The following RALGPS1 variants were observed in gnomAD, a reference collection of about 807,000 sequenced individuals.
RALGPS1 encodes ras-specific guanine nucleotide-releasing factor RalGPS1.
Under a neutral mutation model 78.8 loss-of-function variants are expected in RALGPS1, and 19 were observed. The observed-to-expected ratio is 0.24, with a 90% CI of 0.17 to 0.35. The LOEUF is 0.35. Ranked by LOEUF, RALGPS1 falls within the 10% of genes least tolerant of loss-of-function variation. The probability of loss-of-function intolerance (pLI) is 1.00; values close to 1 mark genes in which losing one functional copy is unlikely to be tolerated. For missense variants in RALGPS1, 454 were observed against 688.3 expected (o/e 0.66, Z 3.81); for synonymous variants, 228 against 256.3 (o/e 0.89, Z 1.06).
intron 11 of RALGPS1, among the ~76,000 whole-genome samples, chr9:127,191,955 T>C (rs970524124): frequency 7.2e-5 from 11 of 152,118 alleles, no homozygotes; most frequent in Admixed American, 1.3e-4. Flanking sequence ...CCTCGGCCTC[T>C]CAAAGTGCTG....
intron 18 of RALGPS1, chr9:127,217,916 GTTC>G (rs1191182785): frequency 2.0e-5 from 3 of 152,046 alleles, no homozygotes; most frequent in Non-Finnish European, 4.4e-5. Context: ...GTTTTTATTA[GTTC>G]TTCTGTTGGA....
At chr9:127,118,843 T>G (rs1032901439) in intron 8 of RALGPS1, among the ~76,000 whole-genome samples, 1 of 152,218 alleles carries the variant, frequency 6.6e-6, no homozygotes, top group Middle Eastern at 3.2e-3. Flanking sequence ...TGTACCTGCT[T>G]TGGCAGGGCT....
At chr9:127,202,350 T>C (rs143739034) in intron 14 of RALGPS1, among the ~76,000 whole-genome samples, 51 of 152,236 alleles carry the variant, frequency 3.4e-4, no homozygotes, top group African/African-American at 9.6e-4. Context: ...CATAGATGTC[T>C]CCTCTTTGGG....
chr9:127,121,156 G>A (rs1273504306), intron 8 of RALGPS1, among the ~76,000 whole-genome samples: 1 of 152,246 alleles, frequency 6.6e-6, no homozygotes, highest in African/African-American at 2.4e-5. Flanking sequence ...GGGTGGTCAT[G>A]AGGATTCTAC....
chr9:127,098,909 G>A (rs2053441209), intron 8 of RALGPS1, among the ~76,000 whole-genome samples: 1 of 152,252 alleles, frequency 6.6e-6, no homozygotes, highest in Non-Finnish European at 1.5e-5. Flanking sequence ...CCAGGCCCTA[G>A]TGGAGAAATG....
intron 8 of RALGPS1, chr9:127,089,049 A>G (rs1476429623): frequency 1.2e-6 from 2 of 1,614,084 alleles, no homozygotes; most frequent in African/African-American, 1.3e-5. Context: ...CGGCTCCGGT[A>G]ATGGCCCCCG....
At chr9:126,965,064 A>T (rs755770171) in intron 2 of RALGPS1, among the ~76,000 whole-genome samples, 85 of 152,298 alleles carry the variant, frequency 5.6e-4, no homozygotes, top group Admixed American at 1.6e-3. Context: ...ACATTCTGGG[A>T]TCCCCACAGT....
chr9:127,070,983 T>C (rs1589306277), intron 8 of RALGPS1, among the ~76,000 whole-genome samples: 1 of 151,418 alleles, frequency 6.6e-6, no homozygotes. Flanking sequence ...TTTTTTCTTA[T>C]TTAATTTTTT....
At chr9:126,962,992 G>C (rs1406142464) in intron 2 of RALGPS1, among the ~76,000 whole-genome samples, 1 of 152,140 alleles carries the variant, frequency 6.6e-6, no homozygotes, top group Non-Finnish European at 1.5e-5. Context: ...AGTGATCCTG[G>C]GTAACCTGCC....
At chr9:127,152,634 G>C (rs1248021782) in intron 8 of RALGPS1, among the ~76,000 whole-genome samples, 1 of 152,174 alleles carries the variant, frequency 6.6e-6, no homozygotes, top group Non-Finnish European at 1.5e-5. Flanking sequence ...TTCAATTTCT[G>C]TCCTGTATAT....
chr9:127,206,723 C>T (rs2061953258), intron 14 of RALGPS1, among the ~76,000 whole-genome samples: 1 of 152,158 alleles, frequency 6.6e-6, no homozygotes, highest in Admixed American at 6.5e-5. Context: ...GGAGGTTGCT[C>T]TCCAACCTCC....
At chr9:126,993,740 G>A (rs1333816233) in intron 4 of RALGPS1, among the ~76,000 whole-genome samples, 2 of 152,074 alleles carry the variant, frequency 1.3e-5, no homozygotes, top group South Asian at 2.1e-4. Flanking sequence ...CCTCAAGTGG[G>A]TCCCTGACCC....
At chr9:127,128,744 T>G (rs2056806190) in intron 8 of RALGPS1, among the ~76,000 whole-genome samples, 1 of 152,228 alleles carries the variant, frequency 6.6e-6, no homozygotes, top group Non-Finnish European at 1.5e-5. Flanking sequence ...GGGAACCACA[T>G]GTTCCCTGGC....
intron 2 of RALGPS1, 86 bp from the exon 3 acceptor site, chr9:126,965,758 C>A: frequency 2.0e-6 from 2 of 991,428 alleles, no homozygotes; most frequent in Non-Finnish European, 3.2e-6. Context: ...CCATTGCTCT[C>A]CCATCCTGAA....
chr9:126,958,072 A>T (rs939821885), intron 1 of RALGPS1, among the ~76,000 whole-genome samples: 2 of 149,416 alleles, frequency 1.3e-5, no homozygotes, highest in East Asian at 4.0e-4. Context: ...TTGAGGTTGC[A>T]TTGAGCTATG....
At chr9:127,039,723 C>T (rs2047132058) in intron 5 of RALGPS1, among the ~76,000 whole-genome samples, 1 of 151,976 alleles carries the variant, frequency 6.6e-6, no homozygotes, top group Non-Finnish European at 1.5e-5. Flanking sequence ...CAGATGTAGA[C>T]CCATTTGTAG....
chr9:127,176,383 C>T (rs1230291920), intron 11 of RALGPS1, among the ~76,000 whole-genome samples: 3 of 152,122 alleles, frequency 2.0e-5, no homozygotes, highest in Non-Finnish European at 4.4e-5. Flanking sequence ...CTTTTAGGTG[C>T]GCAGTCACCT....
At chr9:126,970,858 A>G (rs564654151) in intron 3 of RALGPS1, among the ~76,000 whole-genome samples, 4 of 152,350 alleles carry the variant, frequency 2.6e-5, no homozygotes, top group South Asian at 4.1e-4. Flanking sequence ...AAGAATCCCT[A>G]TAGACAATGA....
At chr9:127,214,993 C>A (rs2130989262) in intron 18 of RALGPS1, 151 bp downstream of exon 18, 1 of 1,335,896 alleles carries the variant, frequency 7.5e-7, no homozygotes, top group Non-Finnish European at 1.0e-6. Context: ...TCCCTTGAGA[C>A]AAGGCACCCC....
Sources: gnomAD v4.1 joint callset for allele counts (sites outside exome capture counted in the v4.1 genomes callset) on GRCh38, gnomAD v4.1.1 for gene constraint, MANE v1.5 for transcripts, NCBI Gene and HGNC (gene_info 2026-07-23, HGNC 2026-07-21) for gene names.